Variants in LIMCH1 observed in about 807,000 individuals in gnomAD.
LIMCH1 encodes LIM and calponin homology domains 1.
A neutral mutation model predicts 176.5 loss-of-function variants in LIMCH1; 113 were observed. That is an observed-to-expected ratio of 0.64 (90% confidence interval 0.55 to 0.75). The LOEUF (loss-of-function observed/expected upper bound fraction) is 0.75. Among genes scored for constraint, LIMCH1 ranks in the 30% least tolerant of loss-of-function variants. The probability of loss-of-function intolerance (pLI) is 0.00; values close to 1 mark genes in which losing one functional copy is unlikely to be tolerated. For missense variants in LIMCH1, 1,674 were observed against 1,814.9 expected (o/e 0.92, Z 1.41); for synonymous variants, 619 against 645.9 (o/e 0.96, Z 0.63).
At chr4:41,417,654 G>A (rs1359145371) in intron 1 of LIMCH1, among the ~76,000 whole-genome samples, 4 of 151,998 alleles carry the variant, frequency 2.6e-5, no homozygotes, top group Non-Finnish European at 5.9e-5. Flanking sequence ...CCAAATAGCT[G>A]GGACTACAGG....
intron 1 of LIMCH1, among the ~76,000 whole-genome samples, chr4:41,417,242 G>T (rs542251270): frequency 1.3e-5 from 2 of 152,196 alleles, no homozygotes; most frequent in Admixed American, 1.3e-4. Flanking sequence ...GAGTCACTCC[G>T]GGTGAAAACA....
At chr4:41,482,289 G>A (rs1450723538) in intron 1 of LIMCH1, among the ~76,000 whole-genome samples, 1 of 152,208 alleles carries the variant, frequency 6.6e-6, no homozygotes, top group Non-Finnish European at 1.5e-5. Flanking sequence ...GCTGTAGAGA[G>A]CCATAGGATT....
At position 41,697,363 on chromosome 4, in the gene LIMCH1, T is replaced by G; in HGVS notation, c.*178T>G. ...CAGTGTTTATGTTTTTCCTGTTTAT[T>G]GTTTTGGTTTTTTTTTTTTTTTTGC... is the stretch of plus-strand genomic sequence containing the variant. On this transcript the variant is annotated 3_prime_UTR_variant, in exon 32 of 32. Transcript: ENST00000503057. The G allele has an allele frequency of 1.7e-6, 1 of 583,652 alleles. No individual in the cohort carries two copies. 36.2% of individuals were successfully genotyped at this position (583,652 alleles called of 1,614,324 possible). A position where few individuals can be genotyped will look rare whatever the true frequency, so the allele number is the denominator to read the frequency against.
intron 16 of LIMCH1, 57 bp from the exon 17 acceptor site, chr4:41,646,428 G>C (rs1330198851): frequency 6.3e-7 from 1 of 1,575,982 alleles, no homozygotes; most frequent in African/African-American, 1.4e-5. Context: ...TTCTACCAAG[G>C]TCTTCTTTGC....
intron 1 of LIMCH1, among the ~76,000 whole-genome samples, chr4:41,460,019 T>C (rs867285004): frequency 1.3e-5 from 2 of 152,116 alleles, no homozygotes; most frequent in Non-Finnish European, 2.9e-5. Context: ...CTTTCTTACC[T>C]GGAAGCCGAC....
intron 1 of LIMCH1, among the ~76,000 whole-genome samples, chr4:41,456,165 C>T (rs62411118): frequency 0.21 from 32,342 of 152,018 alleles, 3,812 homozygotes; most frequent in African/African-American, 0.32. Context: ...GTAAAACTTA[C>T]GACTCCATAG....
chr4:41,470,826 G>T (rs961685278), intron 1 of LIMCH1, among the ~76,000 whole-genome samples: 1 of 151,844 alleles, frequency 6.6e-6, no homozygotes, highest in Non-Finnish European at 1.5e-5. Flanking sequence ...GCCTCTGACC[G>T]CATATTTCGT....
At chr4:41,487,712 G>A (rs1365807903) in intron 1 of LIMCH1, among the ~76,000 whole-genome samples, 1 of 139,382 alleles carries the variant, frequency 7.2e-6, no homozygotes, top group Non-Finnish European at 1.5e-5. Flanking sequence ...AGGCTGGAGT[G>A]CAGTGGTGTG....
chr4:41,481,640 A>G (rs1234589432), intron 1 of LIMCH1, among the ~76,000 whole-genome samples: 1 of 152,090 alleles, frequency 6.6e-6, no homozygotes, highest in Non-Finnish European at 1.5e-5. Flanking sequence ...CACTAGTGTC[A>G]TAGCGTAGAG....
chr4:41,524,134 C>A (rs1490088660), intron 2 of LIMCH1, among the ~76,000 whole-genome samples: 1 of 152,208 alleles, frequency 6.6e-6, no homozygotes, highest in Non-Finnish European at 1.5e-5. Flanking sequence ...CCAGCTCTCC[C>A]CCTTGTCCTT....
intron 1 of LIMCH1, among the ~76,000 whole-genome samples, chr4:41,401,622 C>T (rs574766612): frequency 4.6e-5 from 7 of 151,988 alleles, no homozygotes; most frequent in African/African-American, 7.2e-5. Context: ...TTACCTTGGG[C>T]AGTATGGCCA....
At chr4:41,686,975 T>G (rs1022498592) in intron 28 of LIMCH1, among the ~76,000 whole-genome samples, 4 of 152,194 alleles carry the variant, frequency 2.6e-5, no homozygotes, top group Admixed American at 6.5e-5. Flanking sequence ...GCATTGGTAC[T>G]TATACTTTAG....
At chr4:41,584,336 A>G (rs988232342) in intron 1 of LIMCH1, among the ~76,000 whole-genome samples, 3 of 152,192 alleles carry the variant, frequency 2.0e-5, no homozygotes, top group Non-Finnish European at 4.4e-5. Flanking sequence ...TTAGATGATG[A>G]GCCACAACCA....
intron 1 of LIMCH1, among the ~76,000 whole-genome samples, chr4:41,461,457 T>C (rs1036106316): frequency 3.3e-5 from 5 of 152,198 alleles, no homozygotes; most frequent in African/African-American, 9.7e-5. Flanking sequence ...AAGAAGAAGA[T>C]AAAAAACATA....
At chr4:41,560,212 G>A (rs2081889812) in intron 1 of LIMCH1, among the ~76,000 whole-genome samples, 1 of 152,016 alleles carries the variant, frequency 6.6e-6, no homozygotes, top group Non-Finnish European at 1.5e-5. Context: ...TTGTTCCAAA[G>A]TTCTGTAGAT....
chr4:41,646,912 G>A lies in LIMCH1; in HGVS notation c.2820+19G>A. On this transcript the variant is annotated intron_variant, in intron 17 of 31. Coordinates refer to ENST00000503057, the MANE Select transcript of LIMCH1 (RefSeq NM_001330672.2). ...CTTTAAGGTAGGACAAGTTCCTTAAGAGTAGAACCAAAGCTGAACTCCAGG... is the reference window on the plus strand; with the variant it reads ...CTTTAAGGTAGGACAAGTTCCTTAAAAGTAGAACCAAAGCTGAACTCCAGG... 6.3e-7 allele frequency: 1 copy of A among 1,593,814 alleles called. No homozygotes were observed. The highest frequency in any genetic ancestry group is 1.1e-5 in the South Asian group (1 of 89,790).
At chr4:41,502,934 CA>C (rs2073573539) in intron 2 of LIMCH1, among the ~76,000 whole-genome samples, 9 of 151,956 alleles carry the variant, frequency 5.9e-5, no homozygotes, top group African/African-American at 2.2e-4. Context: ...CACACACACA[CA>C]CACCCCAGGT....
rs2090650879 is a variant in LIMCH1, at chr4:41,605,987, T to C, written c.-9T>C. 6.2e-7 allele frequency: 1 copy of C among 1,613,046 alleles called. No homozygotes were observed. The highest frequency in any genetic ancestry group is 8.5e-7 in the Non-Finnish European group (1 of 1,179,128). ...AAACCTGAAGGAGTTTGAAGGATTG[T>C]TGGCTCAGATGCGAAAGGTAACTTG... On this transcript the variant is annotated 5_prime_UTR_variant, in exon 4 of 32. Coordinates refer to ENST00000503057, the MANE Select transcript of LIMCH1 (RefSeq NM_001330672.2).
chr4:41,534,459 T>A (rs2077658433), upstream of LIMCH1, among the ~76,000 whole-genome samples: 1 of 152,234 alleles, frequency 6.6e-6, no homozygotes, highest in South Asian at 2.1e-4. Context: ...TGGAGGGTAC[T>A]GATGCCATTA....
Sources: allele counts gnomAD v4.1 joint callset (sites outside exome capture counted in the v4.1 genomes callset), GRCh38; gene constraint gnomAD v4.1.1; transcripts MANE v1.5; gene names NCBI Gene and HGNC (gene_info 2026-07-23, HGNC 2026-07-21).